The following PDE4D variants were observed in gnomAD, a reference collection of about 807,000 sequenced individuals.
PDE4D encodes phosphodiesterase 4D.
A neutral mutation model predicts 87.4 loss-of-function variants in PDE4D; 24 were observed. That is an observed-to-expected ratio of 0.27 (90% CI 0.20 to 0.39). The LOEUF is 0.39. Ranked by LOEUF, PDE4D falls within the 10% of genes least tolerant of loss-of-function variation. The pLI, the probability that PDE4D is intolerant of heterozygous loss-of-function variation, is 1.00. For synonymous variants in PDE4D, 384 were observed against 383.2 expected (o/e 1.00, Z -0.02); for missense variants, 714 against 1,041.0 (o/e 0.69, Z 4.32).
chr5:59,766,032 T>G (rs979117246), intron 1 of PDE4D, among the ~76,000 whole-genome samples: 3 of 152,332 alleles, frequency 2.0e-5, no homozygotes, highest in Middle Eastern at 3.4e-3. Context: ...GGCAGAACAC[T>G]GTACTAGCAA....
chr5:59,355,829 A>G (rs1781292945), intron 1 of PDE4D, among the ~76,000 whole-genome samples: 4 of 152,202 alleles, frequency 2.6e-5, no homozygotes, highest in Admixed American at 6.5e-5. Flanking sequence ...AAATTATTTT[A>G]ATTCAAACTT....
intron 1 of PDE4D, among the ~76,000 whole-genome samples, chr5:59,840,002 GT>G (rs1742726678): frequency 6.6e-6 from 1 of 152,008 alleles, no homozygotes; most frequent in Admixed American, 6.6e-5. Flanking sequence ...TGAGCTTGTG[GT>G]GGGGGGCTCC....
chr5:59,737,960 A>T (rs1282946097), intron 1 of PDE4D, among the ~76,000 whole-genome samples: 2 of 152,164 alleles, frequency 1.3e-5, no homozygotes, highest in African/African-American at 2.4e-5. Flanking sequence ...TTGTTTTTCA[A>T]GAAAAAATAT....
At chr5:59,149,706 G>GTTT (rs76421367) in intron 5 of PDE4D, among the ~76,000 whole-genome samples, 15,392 of 68,990 alleles carry the variant, frequency 0.22, 3,154 homozygotes, top group East Asian at 0.39. Context: ...CTCTCCTCGA[G>GTTT]TTTTTTTTTT....
At chr5:59,962,109 T>C (rs1270400776) in intron 3 of PDE4D, among the ~76,000 whole-genome samples, 1 of 152,118 alleles carries the variant, frequency 6.6e-6, no homozygotes, top group African/African-American at 2.4e-5. Flanking sequence ...AATACAATTA[T>C]TGGAGTATGA....
At chr5:59,300,706 C>T (rs976490936) in intron 1 of PDE4D, among the ~76,000 whole-genome samples, 2 of 152,040 alleles carry the variant, frequency 1.3e-5, no homozygotes, top group Non-Finnish European at 2.9e-5. Context: ...GCAGCCAACA[C>T]TAGCTGGGTG....
intron 2 of PDE4D, among the ~76,000 whole-genome samples, chr5:60,123,654 A>G (rs564009801): frequency 1.3e-5 from 2 of 152,122 alleles, no homozygotes; most frequent in Non-Finnish European, 1.5e-5. Context: ...TCAAACCTCA[A>G]TGTCAAAGTC....
At chr5:60,431,216 G>A (rs998745213) in intron 1 of PDE4D, 1 of 190,430 alleles carries the variant, frequency 5.3e-6, no homozygotes, top group Non-Finnish European at 1.1e-5. Context: ...GCTGGGCGGA[G>A]ACGCTCCTCA....
chr5:60,077,919 T>A (rs188450516), intron 2 of PDE4D, among the ~76,000 whole-genome samples: 193 of 152,238 alleles, frequency 1.3e-3, no homozygotes, highest in African/African-American at 4.4e-3. Flanking sequence ...CCGGTCCTGG[T>A]GTGCACTAGC....
At chr5:59,121,519 G>A (rs1661790330) in intron 5 of PDE4D, among the ~76,000 whole-genome samples, 1 of 151,622 alleles carries the variant, frequency 6.6e-6, no homozygotes. Context: ...CCAGTTAGAG[G>A]GCTATTATTA....
At chr5:59,095,558 T>C (rs1378836776) in intron 5 of PDE4D, among the ~76,000 whole-genome samples, 1 of 152,146 alleles carries the variant, frequency 6.6e-6, no homozygotes, top group Non-Finnish European at 1.5e-5. Context: ...AAACCTTACT[T>C]TGAACATTTC....
In PDE4D at chr5:60,092,933, C is replaced by T. The variant is rs1775286887; in HGVS notation, c.42+92624G>A. 4.6e-5 allele frequency among the ~76,000 whole-genome samples: 7 copies of T among 152,180 alleles called. No individual in the cohort carries two copies. In the South Asian group the frequency reaches 1.4e-3, roughly 32 times the overall value. On this transcript the variant is annotated intron_variant, in intron 2 of 16. Coordinates refer to the PDE4D transcript ENST00000502484. Reference sequence around the variant, plus strand: ...CATCGGGGTGAGCCTAGACATGACTCACCACGAGGGACTACCTGATCCAAG... The same window carrying T: ...CATCGGGGTGAGCCTAGACATGACTTACCACGAGGGACTACCTGATCCAAG...
At chr5:59,630,292 A>G (rs1378140853) in intron 1 of PDE4D, among the ~76,000 whole-genome samples, 1 of 152,116 alleles carries the variant, frequency 6.6e-6, no homozygotes, top group Admixed American at 6.5e-5. Context: ...TTTCCCCACT[A>G]CCTTCCCTTG....
At chr5:59,930,247 G>C (rs1755768927) in intron 3 of PDE4D, among the ~76,000 whole-genome samples, 1 of 151,604 alleles carries the variant, frequency 6.6e-6, no homozygotes, top group Admixed American at 6.6e-5. Context: ...TTGGAAAAAG[G>C]ATCTTTGCAG....
intron 2 of PDE4D, among the ~76,000 whole-genome samples, chr5:60,061,376 G>A (rs1771386126): frequency 6.6e-6 from 1 of 152,088 alleles, no homozygotes; most frequent in Non-Finnish European, 1.5e-5. Flanking sequence ...GCTAACAAGG[G>A]ACATGAAGGA....
chr5:59,339,268 G>T (rs985836673), intron 1 of PDE4D, among the ~76,000 whole-genome samples: 2 of 152,138 alleles, frequency 1.3e-5, no homozygotes, highest in Non-Finnish European at 2.9e-5. Context: ...AGTTATCTGA[G>T]CATCAAATTA....
intron 6 of PDE4D, among the ~76,000 whole-genome samples, chr5:59,020,762 GGAA>G (rs145411632): frequency 2.0e-3 from 300 of 152,068 alleles, no homozygotes; most frequent in African/African-American, 6.8e-3. Flanking sequence ...AGTGGAAAAT[GGAA>G]GAAGAACAAT....
intron 1 of PDE4D, among the ~76,000 whole-genome samples, chr5:59,367,576 A>G (rs1490692481): frequency 6.6e-6 from 1 of 152,224 alleles, no homozygotes; most frequent in Non-Finnish European, 1.5e-5. Context: ...ATCATATTAA[A>G]TTAAAGATGT....
chr5:59,879,344 C>A (rs750964812), intron 1 of PDE4D, among the ~76,000 whole-genome samples: 1 of 152,188 alleles, frequency 6.6e-6, no homozygotes, highest in Non-Finnish European at 1.5e-5. Context: ...CCTTACCAGC[C>A]CCATCCTCCA....
Sources: gnomAD v4.1 joint callset for allele counts (sites outside exome capture counted in the v4.1 genomes callset) on GRCh38, gnomAD v4.1.1 for gene constraint, MANE v1.5 for transcripts, NCBI Gene and HGNC (gene_info 2026-07-23, HGNC 2026-07-21) for gene names.